Variants in TRIM42 observed in about 807,000 individuals in gnomAD.
TRIM42 encodes the protein tripartite motif-containing protein 42.
In TRIM42, 59 loss-of-function variants were observed where a neutral mutation model predicts 64.9. The ratio of observed to expected loss-of-function variants is 0.91; its 90% confidence interval spans 0.74 to 1.13. The LOEUF is 1.13. TRIM42 is among the 50% of genes most tolerant of loss of function. TRIM42 has a pLI of 0.00. For synonymous variants in TRIM42, 354 were observed against 346.3 expected (o/e 1.02, Z -0.25); for missense variants, 878 against 929.5 (o/e 0.94, Z 0.72).
At chr3:140,683,857 G>A (rs568297113) in intron 2 of TRIM42, among the ~76,000 whole-genome samples, 1 of 152,224 alleles carries the variant, frequency 6.6e-6, no homozygotes, top group East Asian at 1.9e-4. Flanking sequence ...ATATAATATT[G>A]CTTTAAGTGA....
At chr3:140,691,282 C>A in intron 4 of TRIM42, 90 bp downstream of exon 4, 1 of 1,100,786 alleles carries the variant, frequency 9.1e-7, no homozygotes, top group Non-Finnish European at 1.4e-6. Flanking sequence ...GATTATAGAA[C>A]TCACTATGGG....
intron 4 of TRIM42, among the ~76,000 whole-genome samples, chr3:140,694,427 T>G (rs1172463862): frequency 6.6e-6 from 1 of 152,172 alleles, no homozygotes; most frequent in Non-Finnish European, 1.5e-5. Context: ...ATGTACGTGT[T>G]GACCTCAGTT....
intron 2 of TRIM42, among the ~76,000 whole-genome samples, chr3:140,685,578 C>T (rs996597126): frequency 6.6e-6 from 1 of 152,148 alleles, no homozygotes; most frequent in Non-Finnish European, 1.5e-5. Context: ...GATTCTAAAC[C>T]TCACTGAAAA....
intron 4 of TRIM42, among the ~76,000 whole-genome samples, chr3:140,694,333 C>T (rs1484685628): frequency 1.3e-5 from 2 of 152,200 alleles, no homozygotes; most frequent in African/African-American, 4.8e-5. Flanking sequence ...CTTCTGTGCC[C>T]ATGGTCCCTA....
chr3:140,684,776 A>G (rs1436066264), intron 2 of TRIM42, among the ~76,000 whole-genome samples: 1 of 152,166 alleles, frequency 6.6e-6, no homozygotes, highest in Non-Finnish European at 1.5e-5. Context: ...GGTTTTCTGA[A>G]GGTGGGACTC....
intron 4 of TRIM42, among the ~76,000 whole-genome samples, chr3:140,695,089 T>TA (rs138359398): frequency 4.0e-5 from 6 of 151,228 alleles, no homozygotes; most frequent in Admixed American, 6.6e-5. Context: ...TACTAAAAAT[T>TA]AAAAAAAAGT....
At chr3:140,697,511 C>T (rs1372999403) in intron 4 of TRIM42, among the ~76,000 whole-genome samples, 3 of 152,094 alleles carry the variant, frequency 2.0e-5, no homozygotes, top group African/African-American at 4.8e-5. Context: ...CAGACTCTGC[C>T]TTTGTATGTA....
intron 4 of TRIM42, among the ~76,000 whole-genome samples, chr3:140,692,881 A>C (rs923630370): frequency 6.6e-6 from 1 of 152,170 alleles, no homozygotes. Context: ...TATGTAATCT[A>C]TTATTTTCAG....
chr3:140,694,877 C>T (rs1044018679), intron 4 of TRIM42, among the ~76,000 whole-genome samples: 17 of 152,168 alleles, frequency 1.1e-4, no homozygotes, highest in Admixed American at 1.3e-4. Flanking sequence ...TCTGTTCCAC[C>T]TCCATCTTCC....
At chr3:140,681,483 A>G (rs571462672) in intron 1 of TRIM42, among the ~76,000 whole-genome samples, 24 of 152,338 alleles carry the variant, frequency 1.6e-4, no homozygotes, top group Non-Finnish European at 2.6e-4. Context: ...GTACAACTGT[A>G]AAGTGGTGCA....
At position 140,688,292 on chromosome 3, in the gene TRIM42, C is replaced by T. The variant is rs758263499; in HGVS notation, c.1610C>T (p.Ser537Phe). ...LGNQHIYQRS[S>F]SMLSFSNTDK... The stretch of plus-strand genomic sequence containing the variant: ...AACCAGCACATATACCAGCGAAGCT[C>T]CTCCATGTTGTCCTTCAGCAACACT... Residue 537 changes from serine (S) to phenylalanine (F), a missense_variant, in exon 3 of 5, where the codon TCC (serine) becomes TTC (phenylalanine). Physicochemically the swap from Ser to Phe is radical, Grantham distance 155. Transcript: ENST00000286349. 3.1e-6 allele frequency: 5 copies of T among 1,614,240 alleles called. No homozygotes were observed. In the Admixed American group the frequency reaches 8.3e-5, roughly 27 times the overall value.
chr3:140,690,537 A>G (rs560282792), intron 3 of TRIM42, among the ~76,000 whole-genome samples: 28 of 152 alleles, frequency 0.18, no homozygotes, highest in African/African-American at 0.3. Context: ...TTATGTATAT[A>G]TATATATATA....
intron 1 of TRIM42, among the ~76,000 whole-genome samples, chr3:140,681,823 A>C (rs1044745162): frequency 8.6e-5 from 13 of 151,906 alleles, no homozygotes; most frequent in African/African-American, 2.7e-4. Context: ...ATCTTAATAA[A>C]TCTTATCTAG....
In TRIM42 at chr3:140,683,083, C is replaced by T. The variant is rs973883247; in HGVS notation, c.963C>T (p.His321=). The T allele has an allele frequency of 3.1e-6, 5 of 1,614,086 alleles. No individual in the cohort carries two copies. Among genetic ancestry groups the T allele is most frequent in the East Asian group, 2.2e-5 (1 of 44,900 alleles). The change falls in exon 2 of 5, where the codon CAC becomes CAT. Residue 321 remains histidine, a synonymous_variant. Transcript: ENST00000286349. ...TFCKFSFHNG[H]DTISLIDACS... ...GCAAGTTCTCTTTCCACAATGGCCA[C>T]GACACCATTAGCCTCATCGACGCCT...
At position 140,687,799 on chromosome 3, in the gene TRIM42, C is replaced by A; in HGVS notation, c.1117C>A (p.Arg373=). 1.2e-6 allele frequency: 2 copies of A among 1,614,082 alleles called. No homozygotes were observed. Among genetic ancestry groups the A allele is most frequent in the South Asian group, 1.1e-5 (1 of 91,074 alleles). The part of the protein sequence containing the change: ...NSFKADKEAK[R]KEIRNGFLKL... ...CTTTAAAGCTGACAAGGAGGCAAAG[C>A]GAAAAGAGATCAGAAATGGCTTTCT... The change falls in exon 3 of 5, where the codon CGA becomes AGA. Residue 373 remains arginine, a synonymous_variant. Transcript: ENST00000286349.
In TRIM42 at chr3:140,678,624, C is replaced by G. The variant is rs187789774; in HGVS notation, c.341+54C>G. The G allele has an allele frequency of 2.8e-4, 417 of 1,466,278 alleles. 1 individual carries two copies. In the East Asian group the frequency reaches 7.3e-3, roughly 26 times the overall value. 90.8% of individuals were successfully genotyped at this position (1,466,278 alleles called of 1,614,324 possible). ...GCATTGGGTCATGAAAACTAGGGAC[C>G]ACTTGCCAGCTGTGAAGTCTACAGG... On this transcript the variant is annotated intron_variant, in intron 1 of 4. Coordinates refer to ENST00000286349, the MANE Select transcript of TRIM42 (RefSeq NM_152616.5).
chr3:140,691,082 A>C lies in TRIM42; in HGVS notation c.1975A>C (p.Ile659Leu). The C allele has an allele frequency of 1.2e-6, 2 of 1,614,200 alleles. No individual in the cohort carries two copies. The highest frequency in any genetic ancestry group is 1.7e-6 in the Non-Finnish European group (2 of 1,180,020). The change falls in exon 4 of 5, where the codon ATA becomes CTA. Residue 659 changes from isoleucine to leucine, a missense_variant. Transcript: ENST00000286349. ...QMELCGQIRD[I>L]MQQNLELHNL... ...GGAGCTCTGTGGACAAATTCGGGAC[A>C]TAATGCAGCAAAATCTGGAGCTGCA... is the stretch of plus-strand genomic sequence containing the variant.
chr3:140,680,361 T>A (rs1988345199), intron 1 of TRIM42, among the ~76,000 whole-genome samples: 1 of 152,040 alleles, frequency 6.6e-6, no homozygotes, highest in Admixed American at 6.5e-5. Flanking sequence ...GTCTCATTCA[T>A]CCCTCTCCAT....
chr3:140,690,031 C>T (rs892462900), intron 3 of TRIM42, among the ~76,000 whole-genome samples: 2 of 151,998 alleles, frequency 1.3e-5, no homozygotes, highest in East Asian at 1.9e-4. Flanking sequence ...CATTTGCTGT[C>T]GAAAGAGGAC....
Sources: gnomAD v4.1 joint callset for allele counts (sites outside exome capture counted in the v4.1 genomes callset) on GRCh38, gnomAD v4.1.1 for gene constraint, MANE v1.5 for transcripts, NCBI Gene and HGNC (gene_info 2026-07-23, HGNC 2026-07-21) for gene names.